Variants in USP38 observed in about 807,000 individuals in gnomAD.
The protein encoded by USP38 is ubiquitin specific peptidase 38.
USP38 carries 49 observed loss-of-function variants against 94.3 expected under a neutral mutation model. The observed-to-expected ratio is 0.52, with a 90% confidence interval of 0.41 to 0.66. The LOEUF is 0.66. Among genes scored for constraint, USP38 ranks in the 30% least tolerant of loss-of-function variants. The probability of loss-of-function intolerance (pLI) is 0.00; values close to 1 mark genes in which losing one functional copy is unlikely to be tolerated. For missense variants in USP38, 1,128 were observed against 1,229.4 expected (o/e 0.92, Z 1.23); for synonymous variants, 468 against 463.6 (o/e 1.01, Z -0.12).
chr4:143,188,523 A>G (rs1731298121), intron 2 of USP38, among the ~76,000 whole-genome samples: 1 of 152,108 alleles, frequency 6.6e-6, no homozygotes, highest in Non-Finnish European at 1.5e-5. Context: ...TCAGCTGTCA[A>G]TCTGACTGTC....
chr4:143,199,692 G>A (rs956047256), intron 4 of USP38, among the ~76,000 whole-genome samples: 6 of 152,222 alleles, frequency 3.9e-5, no homozygotes, highest in African/African-American at 1.2e-4. Context: ...GTATGAGATG[G>A]TAGTTCATTG....
chr4:143,212,556 G>T, intron 8 of USP38, 132 bp downstream of exon 8: 2 of 509,496 alleles, frequency 3.9e-6, no homozygotes, highest in South Asian at 5.1e-5. Flanking sequence ...TTTCTTGTAT[G>T]TTTTTTATAT....
Position 143,195,863 on chromosome 4 carries a change from A to G in USP38, c.948+18A>G, listed in dbSNP as rs1009022761. The G allele has an allele frequency of 1.3e-6, 2 of 1,599,100 alleles. No individual in the cohort carries two copies. The highest frequency in any genetic ancestry group is 2.2e-5 in the East Asian group (1 of 44,658). On this transcript the variant is annotated intron_variant, in intron 3 of 9. Transcript: ENST00000307017. ...TAGAACTGGTAAGTGGGAGTATGGA[A>G]ATCTATTAGAATATATAGACTCATA...
rs1414036818 is a variant in USP38, at chr4:143,185,540, G to A, written c.90G>A (p.Glu30=). 6 of 1,613,948 alleles carry A rather than the reference G, an allele frequency of 3.7e-6. No homozygotes were observed. Among genetic ancestry groups the A allele is most frequent in the East Asian group, 4.5e-5 (2 of 44,870 alleles). The part of the protein sequence containing the change: ...VIVRKVVESA[E]HWLDEAQCEA... ...TGCGGAAGGTGGTGGAATCGGCGGA[G>A]CACTGGCTAGACGAGGCGCAGTGCG... Residue 30 remains glutamate, a synonymous_variant, in exon 1 of 10, where the codon GAG becomes GAA. Transcript: ENST00000307017.
chr4:143,222,134 G>C lies in USP38; in HGVS notation c.*1678G>C, dbSNP rs1360514052. On this transcript the variant is annotated 3_prime_UTR_variant, in exon 10 of 10. Transcript: ENST00000307017. ...AAATTGGTAAAGTGATTTAATACTTGATAGATTGATATTGGGCTAAGATGC... is the reference window on the plus strand; with the variant it reads ...AAATTGGTAAAGTGATTTAATACTTCATAGATTGATATTGGGCTAAGATGC... 6.6e-6 allele frequency: 1 copy of C among 152,084 alleles called. No individual in the cohort carries two copies. The highest frequency in any genetic ancestry group is 1.5e-5 in the Non-Finnish European group (1 of 67,956). 9.4% of individuals were successfully genotyped at this position (152,084 alleles called of 1,614,324 possible). A position where few individuals can be genotyped will look rare whatever the true frequency, so the allele number is the denominator to read the frequency against.
At chr4:143,203,175 T>C (rs1731763620) in intron 4 of USP38, among the ~76,000 whole-genome samples, 1 of 152,006 alleles carries the variant, frequency 6.6e-6, no homozygotes, top group Non-Finnish European at 1.5e-5. Context: ...TTTTAGATGG[T>C]GTGTAAGGAT....
intron 9 of USP38, among the ~76,000 whole-genome samples, chr4:143,216,473 A>G (rs1255830330): frequency 1.3e-5 from 2 of 148,480 alleles, no homozygotes; most frequent in East Asian, 1.9e-4. Flanking sequence ...AATAATAAAT[A>G]TTCAATTTTT....
chr4:143,190,825 C>A (rs914675374), intron 2 of USP38, among the ~76,000 whole-genome samples: 2 of 152,048 alleles, frequency 1.3e-5, no homozygotes, highest in African/African-American at 4.8e-5. Flanking sequence ...TGATTTTTCT[C>A]TTCTAATTAA....
intron 4 of USP38, among the ~76,000 whole-genome samples, chr4:143,201,924 A>G (rs1263820420): frequency 6.6e-6 from 1 of 152,152 alleles, no homozygotes; most frequent in African/African-American, 2.4e-5. Flanking sequence ...TCTTATTTCC[A>G]TGTCGTGATA....
At chr4:143,186,216 T>C in intron 1 of USP38, 84 bp downstream of exon 1, 1 of 1,399,376 alleles carries the variant, frequency 7.1e-7, no homozygotes, top group Non-Finnish European at 9.8e-7. Flanking sequence ...CATGTTTTCC[T>C]CCTGCCCTAA....
Position 143,212,425 on chromosome 4 carries a change from G to A in USP38, c.1604+1G>A. The A allele has an allele frequency of 6.3e-7, 1 of 1,576,722 alleles. No individual in the cohort carries two copies. On this transcript the variant is annotated splice_donor_variant, in intron 8 of 9. Coordinates refer to ENST00000307017, the MANE Select transcript of USP38 (RefSeq NM_032557.6). LOFTEE classifies it high-confidence loss of function. ...AATACCTCAGATTTCTCCTTGACAG[G>A]TAAAAAGTATTCTTAAAATTGTGAT...
chr4:143,203,315 C>T, intron 4 of USP38, 93 bp from the exon 5 acceptor site: 2 of 1,245,154 alleles, frequency 1.6e-6, no homozygotes, highest in Non-Finnish European at 2.2e-6. Context: ...AAAGTATCTG[C>T]TGATCATATA....
intron 7 of USP38, among the ~76,000 whole-genome samples, chr4:143,210,355 G>A (rs897476556): frequency 1.3e-5 from 2 of 152,200 alleles, no homozygotes; most frequent in African/African-American, 2.4e-5. Context: ...TGGAGGCCAA[G>A]GCAGGCAGAT....
At chr4:143,218,347 A>T (rs992542435) in intron 9 of USP38, among the ~76,000 whole-genome samples, 5 of 152,122 alleles carry the variant, frequency 3.3e-5, no homozygotes, top group African/African-American at 9.7e-5. Context: ...AATTAGAATT[A>T]ACTTTAGTAC....
In USP38 at chr4:143,195,810, A is replaced by G. The variant is rs1392616391; in HGVS notation, c.913A>G (p.Ile305Val). 1.2e-6 allele frequency: 2 copies of G among 1,613,330 alleles called. No individual in the cohort carries two copies. Among genetic ancestry groups the G allele is most frequent in the Non-Finnish European group, 1.7e-6 (2 of 1,179,676 alleles). Residue 305 changes from isoleucine to valine, a missense_variant, in exon 3 of 10, where the codon ATT (isoleucine) becomes GTT (valine). Physicochemically the swap from Ile to Val is conservative, Grantham distance 29. Transcript: ENST00000307017. The stretch of plus-strand genomic sequence containing the variant: ...ACTGGCAGCTGTCCAGAAGTTTACT[A>G]TTTTGATAGATGTTACTTTGCTGAA... ...KGLAAVQKFT[I>V]LIDVTLLKIE...
At chr4:143,212,704 G>GT (rs746845000) in intron 8 of USP38, among the ~76,000 whole-genome samples, 1 of 151,790 alleles carries the variant, frequency 6.6e-6, no homozygotes, top group African/African-American at 2.4e-5. Flanking sequence ...TTCCAACAGC[G>GT]TAACTGTGTG....
rs1043379307 is a variant in USP38 at position 143,185,397 on chromosome 4, G to T, written c.-54G>T. 2.0e-6 allele frequency: 3 copies of T among 1,517,632 alleles called. No individual in the cohort carries two copies. In the African/African-American group the frequency reaches 4.2e-5, roughly 21 times the overall value. The allele number at this position is 1,517,632 out of a possible 1,614,324, so 94.0% of individuals were successfully genotyped here. On this transcript the variant is annotated 5_prime_UTR_variant, in exon 1 of 10. Coordinates refer to ENST00000307017, the MANE Select transcript of USP38 (RefSeq NM_032557.6). The stretch of plus-strand genomic sequence containing the variant: ...CCGGGGCTCTCCTGCCCCACCTCGG[G>T]GCTGCCGCCACCCGCTCCTTATCCC...
chr4:143,186,090 C>T lies in USP38; in HGVS notation c.640C>T (p.Leu214=). The T allele has an allele frequency of 6.2e-7, 1 of 1,614,192 alleles. No individual in the cohort carries two copies. Residue 214 remains leucine (L), a synonymous_variant, in exon 1 of 10, where the codon CTG becomes TTG. Coordinates refer to ENST00000307017, the MANE Select transcript of USP38 (RefSeq NM_032557.6). ...NIWKAEPATL[L]PSLQEVFASI... ...CTGGAAGGCCGAGCCTGCCACACTA[C>T]TGCCTTCCCTGCAAGAAGTTTTTGC...
intron 4 of USP38, among the ~76,000 whole-genome samples, chr4:143,198,919 T>C (rs1731629767): frequency 6.6e-6 from 1 of 152,140 alleles, no homozygotes; most frequent in South Asian, 2.1e-4. Context: ...AAAACATCAA[T>C]TACTTGTCCT....
Sources: allele counts gnomAD v4.1 joint callset (sites outside exome capture counted in the v4.1 genomes callset), GRCh38; gene constraint gnomAD v4.1.1; transcripts MANE v1.5; gene names NCBI Gene and HGNC (gene_info 2026-07-23, HGNC 2026-07-21).